The following PARD3B variants were observed in gnomAD, a reference collection of about 807,000 sequenced individuals.
PARD3B encodes the protein partitioning defective 3 homolog B.
Under a neutral mutation model 130.2 loss-of-function variants are expected in PARD3B, and 103 were observed. The ratio of observed to expected loss-of-function variants is 0.79; its 90% CI spans 0.67 to 0.93. The LOEUF is 0.93. PARD3B is among the 40% of genes least tolerant of loss of function. The probability of loss-of-function intolerance (pLI) is 0.00; values close to 1 mark genes in which losing one functional copy is unlikely to be tolerated. For synonymous variants in PARD3B, 583 were observed against 553.2 expected (o/e 1.05, Z -0.76); for missense variants, 1,609 against 1,499.2 (o/e 1.07, Z -1.21).
intron 1 of PARD3B, among the ~76,000 whole-genome samples, chr2:204,630,273 T>G (rs1559194954): frequency 6.6e-6 from 1 of 152,192 alleles, no homozygotes; most frequent in Non-Finnish European, 1.5e-5. Flanking sequence ...GGGGTTTGTG[T>G]GTAGGGTAAC....
At chr2:204,868,726 A>G (rs2045519139) in intron 2 of PARD3B, among the ~76,000 whole-genome samples, 1 of 152,180 alleles carries the variant, frequency 6.6e-6, no homozygotes, top group African/African-American at 2.4e-5. Context: ...TAGGTCACGA[A>G]TGTAGTATAT....
chr2:204,774,566 A>T (rs996782099), intron 2 of PARD3B, among the ~76,000 whole-genome samples: 1 of 152,110 alleles, frequency 6.6e-6, no homozygotes, highest in African/African-American at 2.4e-5. Context: ...ATTTATGGAT[A>T]ACATTAGGGA....
At chr2:204,652,140 A>T (rs988183648) in intron 1 of PARD3B, among the ~76,000 whole-genome samples, 2 of 152,124 alleles carry the variant, frequency 1.3e-5, no homozygotes, top group Non-Finnish European at 2.9e-5. Flanking sequence ...TTCTTTACTT[A>T]TGCAAATTTC....
At chr2:204,776,613 C>G (rs971152420) in intron 2 of PARD3B, among the ~76,000 whole-genome samples, 1 of 151,824 alleles carries the variant, frequency 6.6e-6, no homozygotes, top group Non-Finnish European at 1.5e-5. Context: ...TTCCCCGAGA[C>G]ATGGCATAAT....
chr2:205,372,557 G>T (rs183327104), intron 18 of PARD3B, among the ~76,000 whole-genome samples: 1 of 152,180 alleles, frequency 6.6e-6, no homozygotes. Context: ...GTAAATAATT[G>T]GAAATGAGAA....
rs946209884 is a variant in PARD3B, at chr2:204,724,700, T to C, written c.222+38418T>C. 6.6e-5 allele frequency among the ~76,000 whole-genome samples: 10 copies of C among 152,076 alleles called. No individual in the cohort carries two copies. In the East Asian group the frequency reaches 1.9e-3, roughly 29 times the overall value. On this transcript the variant is annotated intron_variant, in intron 2 of 22. Transcript: ENST00000406610. ...TGGAGTGACTATGGAAGTGGAGTAG[T>C]AGGAGATACCAAATAGTAGAAAATA...
intron 2 of PARD3B, among the ~76,000 whole-genome samples, chr2:204,929,507 C>A (rs961368449): frequency 5.9e-5 from 9 of 152,064 alleles, no homozygotes; most frequent in Middle Eastern, 3.4e-3. Flanking sequence ...CTTTTAAGTA[C>A]CAAAATGAAA....
At position 205,070,705 on chromosome 2, in the gene PARD3B, G is replaced by C. The variant is rs149096923; in HGVS notation, c.504+23015G>C. The stretch of plus-strand genomic sequence containing the variant: ...TTAGTAACCTAAATTTGATTATTGG[G>C]TTAAGGTGGTGACAAACTCATCCAT... On this transcript the variant is annotated intron_variant, in intron 4 of 22. Transcript: ENST00000406610. Among the ~76,000 whole-genome samples the C allele has an allele frequency of 4.6e-5, 7 of 152,118 alleles. No homozygotes were observed. The East Asian group carries it at 1.2e-3, about 25-fold the overall frequency.
chr2:204,559,914 C>T (rs2125053742), intron 1 of PARD3B, among the ~76,000 whole-genome samples: 1 of 152,210 alleles, frequency 6.6e-6, no homozygotes, highest in South Asian at 2.1e-4. Flanking sequence ...TGGAAACCAT[C>T]ATTCTGAGCA....
At chr2:204,588,796 G>A (rs1014065692) in intron 1 of PARD3B, among the ~76,000 whole-genome samples, 51 of 152,180 alleles carry the variant, frequency 3.4e-4, no homozygotes, top group Middle Eastern at 3.4e-3. Flanking sequence ...CATTAACATT[G>A]GAAATTATCT....
intron 18 of PARD3B, among the ~76,000 whole-genome samples, chr2:205,320,033 T>C (rs988467758): frequency 1.3e-5 from 2 of 151,814 alleles, no homozygotes; most frequent in African/African-American, 2.4e-5. Context: ...CCAAATGTGG[T>C]GGCATGCCTG....
At chr2:205,344,580 C>G (rs562076399) in intron 18 of PARD3B, among the ~76,000 whole-genome samples, 7 of 152,274 alleles carry the variant, frequency 4.6e-5, no homozygotes, top group Non-Finnish European at 5.9e-5. Context: ...GACTTCAACC[C>G]TTTTCTATGG....
At chr2:204,736,109 C>G (rs564572888) in intron 2 of PARD3B, among the ~76,000 whole-genome samples, 1 of 151,778 alleles carries the variant, frequency 6.6e-6, no homozygotes, top group African/African-American at 2.4e-5. Context: ...CTATCAAGTC[C>G]TCAGTTCTAC....
intron 2 of PARD3B, among the ~76,000 whole-genome samples, chr2:204,797,320 C>T (rs1049080675): frequency 4.6e-5 from 7 of 151,794 alleles, no homozygotes; most frequent in Admixed American, 1.3e-4. Flanking sequence ...TTATGGGACT[C>T]GAGGTATAAC....
chr2:205,573,109 C>G (rs1462744357), intron 22 of PARD3B, among the ~76,000 whole-genome samples: 1 of 152,060 alleles, frequency 6.6e-6, no homozygotes, highest in Non-Finnish European at 1.5e-5. Context: ...AAGAACAGCA[C>G]GGAGGTAACC....
intron 10 of PARD3B, among the ~76,000 whole-genome samples, chr2:205,127,857 A>G (rs1303536316): frequency 3.3e-5 from 5 of 152,218 alleles, no homozygotes; most frequent in African/African-American, 7.2e-5. Flanking sequence ...CACACTTTCT[A>G]GAGAAATGAT....
At chr2:205,154,228 T>G (rs1359488073) in intron 10 of PARD3B, among the ~76,000 whole-genome samples, 1 of 152,072 alleles carries the variant, frequency 6.6e-6, no homozygotes, top group Non-Finnish European at 1.5e-5. Context: ...CATCCAAAAG[T>G]GGGTGAAGGA....
chr2:204,555,263 T>C (rs112921515), intron 1 of PARD3B, among the ~76,000 whole-genome samples: 2,423 of 152,180 alleles, frequency 0.016, 74 homozygotes, highest in African/African-American at 0.056. Context: ...CACTAATAAA[T>C]TATATCCATG....
intron 21 of PARD3B, among the ~76,000 whole-genome samples, chr2:205,520,566 A>AAT (rs2050999796): frequency 6.6e-6 from 1 of 152,194 alleles, no homozygotes; most frequent in African/African-American, 2.4e-5. Flanking sequence ...TCATAAATTA[A>AAT]TACATGCTCT....
Sources: allele counts gnomAD v4.1 joint callset (sites outside exome capture counted in the v4.1 genomes callset), GRCh38; gene constraint gnomAD v4.1.1; transcripts MANE v1.5; gene names NCBI Gene and HGNC (gene_info 2026-07-23, HGNC 2026-07-21).